The following YY1AP1 variants were observed in gnomAD, a reference collection of about 807,000 sequenced individuals.
The protein encoded by YY1AP1 is YY1-associated protein 1.
YY1AP1 carries 43 observed loss-of-function variants against 39.9 expected under a neutral mutation model. That is an observed-to-expected ratio of 1.08 (90% CI 0.84 to 1.39). The LOEUF is 1.39. YY1AP1 is among the 40% of genes most tolerant of loss of function. The pLI, the probability that YY1AP1 is intolerant of heterozygous loss-of-function variation, is 0.00. For missense variants in YY1AP1, 813 were observed against 900.7 expected, an observed-to-expected ratio of 0.90 and a Z score of 1.25; for synonymous variants, 292 against 331.3, an observed-to-expected ratio of 0.88 and a Z score of 1.29.
intron 4 of YY1AP1, among the ~76,000 whole-genome samples, chr1:155,678,018 G>A (rs1359122407): frequency 6.6e-6 from 1 of 152,212 alleles, no homozygotes; most frequent in Non-Finnish European, 1.5e-5. Context: ...AATCGAAAGA[G>A]AAGCAGAAGC....
intron 2 of YY1AP1, among the ~76,000 whole-genome samples, chr1:155,686,201 A>AG (rs1652271867): frequency 6.6e-6 from 1 of 151,470 alleles, no homozygotes; most frequent in Non-Finnish European, 1.5e-5. Flanking sequence ...ACGCCCGGCT[A>AG]ATTTTTTGTA....
chr1:155,667,129 T>G (rs1342476279), intron 9 of YY1AP1, among the ~76,000 whole-genome samples: 1 of 152,232 alleles, frequency 6.6e-6, no homozygotes, highest in Admixed American at 6.5e-5. Context: ...AAGGCTGCAG[T>G]GAGCTATGAC....
chr1:155,670,510 A>T (rs1415562580), intron 7 of YY1AP1, 46 bp from the exon 8 acceptor site: 1 of 1,610,226 alleles, frequency 6.2e-7, no homozygotes, highest in Non-Finnish European at 8.5e-7. Flanking sequence ...AGGAAAAAAG[A>T]GGGCTTCAAA....
chr1:155,660,090 G>A lies in YY1AP1; in HGVS notation c.1820C>T (p.Pro607Leu). Residue 607 changes from proline (P) to leucine (L), a missense_variant, in exon 11 of 11, where the codon CCC (proline) becomes CTC (leucine). Coordinates refer to ENST00000355499, the MANE Select transcript of YY1AP1 (RefSeq NM_139119.3). The stretch of plus-strand genomic sequence containing the variant: ...GGGTGAGACAGAGGAGGCCACAAGG[G>A]GCTGGTTCAATGGACAGGGGAAGGA... ...PTSFPCPLNQ[P>L]LVASSVSPLI... 1 of 1,614,182 alleles carries A rather than the reference G, an allele frequency of 6.2e-7. No individual in the cohort carries two copies. The highest frequency in any genetic ancestry group is 8.5e-7 in the Non-Finnish European group (1 of 1,180,040).
At position 155,659,700 on chromosome 1, in the gene YY1AP1, A is replaced by G; in HGVS notation, c.2210T>C (p.Met737Thr). 5.6e-6 allele frequency: 9 copies of G among 1,614,218 alleles called. No individual in the cohort carries two copies. The highest frequency in any genetic ancestry group is 7.6e-6 in the Non-Finnish European group (9 of 1,180,038). The change falls in exon 11 of 11, where the codon ATG becomes ACG. Residue 737 changes from methionine to threonine, a missense_variant. Met to Thr is a moderately conservative substitution (Grantham distance 81, BLOSUM62 -1). Coordinates refer to ENST00000355499, the MANE Select transcript of YY1AP1 (RefSeq NM_139119.3). Reference sequence around the variant, plus strand: ...TTCCTCTGTAGCATCTTCAGGTTCCATCTTGACAACTTCCTCTAAATCCCC... The same window carrying G: ...TTCCTCTGTAGCATCTTCAGGTTCCGTCTTGACAACTTCCTCTAAATCCCC... ...SPGDLEEVVK[M>T]EPEDATEEIS...
rs936724937 is a variant in YY1AP1 at position 155,672,246 on chromosome 1, A to G, written c.583+314T>C. The G allele has an allele frequency of 2.1e-5, 9 of 419,736 alleles. No homozygotes were observed. The Admixed American group carries it at 3.2e-4, about 15-fold the overall frequency. The allele number at this position is 419,736 out of a possible 1,614,324, so 26.0% of individuals were successfully genotyped here. ...TTTCATCTTTACCAGGCCCCAGTTT[A>G]TCTTGATCTGATTCCTAATACTTAC... is the stretch of plus-strand genomic sequence containing the variant. On this transcript the variant is annotated intron_variant, in intron 7 of 10. Coordinates refer to ENST00000355499, the MANE Select transcript of YY1AP1 (RefSeq NM_139119.3).
intron 8 of YY1AP1, 131 bp downstream of exon 8, chr1:155,670,189 G>T (rs1649640928): frequency 8.3e-7 from 1 of 1,209,610 alleles, no homozygotes; most frequent in Admixed American, 1.9e-5. Flanking sequence ...ACGTTCTAGA[G>T]GACTCTGCTC....
intron 5 of YY1AP1, among the ~76,000 whole-genome samples, chr1:155,675,349 A>T (rs1650489745): frequency 2.0e-5 from 3 of 151,614 alleles, no homozygotes; most frequent in Admixed American, 2.0e-4. Flanking sequence ...TTATTTTTAG[A>T]CAGAGTCTCG....
At chr1:155,688,842 C>T, upstream of YY1AP1, 4 of 1,588,926 alleles carry the variant, frequency 2.5e-6, no homozygotes, top group African/African-American at 1.3e-5. Flanking sequence ...GCTGCAGGGG[C>T]AGGAGAGGAA....
At chr1:155,663,950 C>T (rs770605456) in intron 9 of YY1AP1, among the ~76,000 whole-genome samples, 3 of 148,106 alleles carry the variant, frequency 2.0e-5, no homozygotes, top group Non-Finnish European at 4.5e-5. Flanking sequence ...CAAGACAGGA[C>T]GAGCACTTGA....
At chr1:155,688,915 C>A, upstream of YY1AP1, 3 of 1,613,186 alleles carry the variant, frequency 1.9e-6, no homozygotes, top group Non-Finnish European at 2.5e-6. Flanking sequence ...CCGGCCGAGT[C>A]CCATGACAAC....
rs771588389 is a variant in YY1AP1 at position 155,660,913 on chromosome 1, C to T, written c.997G>A (p.Ala333Thr). 17 of 1,613,926 alleles carry T rather than the reference C, an allele frequency of 1.1e-5. No individual in the cohort carries two copies. Among genetic ancestry groups the T allele is most frequent in the Non-Finnish European group, 1.3e-5 (15 of 1,180,042 alleles). ...EEHRLPFWLK[A>T]SLPSIQEELR... ...TCTTCCTGGATGGATGGCAGACTGG[C>T]CTATTGGAAATGAGAACACTCTGAT... is the stretch of plus-strand genomic sequence containing the variant. The change falls in exon 11 of 11, where the codon GCC (alanine) becomes ACC (threonine). Residue 333 changes from alanine (A) to threonine (T), a missense_variant and splice_region_variant. Ala to Thr is a moderately conservative substitution (Grantham distance 58). Coordinates refer to ENST00000355499, the MANE Select transcript of YY1AP1 (RefSeq NM_139119.3).
chr1:155,666,669 C>T (rs1168386455), intron 9 of YY1AP1, among the ~76,000 whole-genome samples: 2 of 151,960 alleles, frequency 1.3e-5, no homozygotes, highest in African/African-American at 2.4e-5. Flanking sequence ...AATTGAAGAC[C>T]AGCCTGGGCA....
At chr1:155,687,891 C>G (rs1349584025) in intron 2 of YY1AP1, 180 bp downstream of exon 2, 1 of 667,690 alleles carries the variant, frequency 1.5e-6, no homozygotes, top group Non-Finnish European at 2.4e-6. Flanking sequence ...CCCTTCACCC[C>G]GCCTGGAGGG....
At chr1:155,665,028 C>T (rs1571319973) in intron 9 of YY1AP1, among the ~76,000 whole-genome samples, 1 of 152,022 alleles carries the variant, frequency 6.6e-6, no homozygotes, top group South Asian at 2.1e-4. Flanking sequence ...CCTCAGCCTC[C>T]CAAAGTGCTG....
chr1:155,675,963 C>T (rs766649513), intron 5 of YY1AP1, among the ~76,000 whole-genome samples: 2 of 152,140 alleles, frequency 1.3e-5, no homozygotes, highest in Non-Finnish European at 2.9e-5. Flanking sequence ...GTGACTCACG[C>T]GTGTAATCCC....
intron 4 of YY1AP1, among the ~76,000 whole-genome samples, chr1:155,678,030 G>A (rs1346778922): frequency 6.6e-6 from 1 of 152,196 alleles, no homozygotes; most frequent in Non-Finnish European, 1.5e-5. Context: ...AGCAGAAGCT[G>A]CCCAAGTACA....
chr1:155,660,637 G>A lies in YY1AP1; in HGVS notation c.1273C>T (p.Pro425Ser), dbSNP rs1206341871. Residue 425 changes from proline to serine, a missense_variant, in exon 11 of 11, where the codon CCC becomes TCC. By Grantham distance (74) the Pro-to-Ser change is moderately conservative. Transcript: ENST00000355499. ...LLIQPSPSLQ[P>S]SFNPGKTPAQ... is the part of the protein sequence containing the mutation. ...GGTGTTTTCCCAGGGTTGAAGCTGG[G>A]CTGGAGAGAGGGGCTGGGTTGGATA... The A allele has an allele frequency of 4.3e-6, 7 of 1,614,212 alleles. No individual in the cohort carries two copies. Among genetic ancestry groups the A allele is most frequent in the Non-Finnish European group, 5.1e-6 (6 of 1,180,036 alleles).
At chr1:155,680,707 C>T (rs1015441521) in intron 2 of YY1AP1, among the ~76,000 whole-genome samples, 1 of 152,124 alleles carries the variant, frequency 6.6e-6, no homozygotes, top group Non-Finnish European at 1.5e-5. Context: ...GCTGGGGCAA[C>T]AGGAGTGTGC....
Sources: gnomAD v4.1 joint callset for allele counts (sites outside exome capture counted in the v4.1 genomes callset) on GRCh38, gnomAD v4.1.1 for gene constraint, MANE v1.5 for transcripts, NCBI Gene and HGNC (gene_info 2026-07-23, HGNC 2026-07-21) for gene names.